OTOGL: variants seen among roughly 807,000 people sequenced by gnomAD.
OTOGL encodes otogelin like.
OTOGL carries 285 observed loss-of-function variants against 318.5 expected under a neutral mutation model. The ratio of observed to expected loss-of-function variants is 0.89; its 90% confidence interval spans 0.81 to 0.99. The LOEUF (loss-of-function observed/expected upper bound fraction) is 0.99, where lower values mean the gene tolerates loss of function less well. OTOGL is among the 50% of genes least tolerant of loss of function. The pLI, the probability that OTOGL is intolerant of heterozygous loss-of-function variation, is 0.00. For synonymous variants in OTOGL, 987 were observed against 936.5 expected (o/e 1.05, Z -0.99); for missense variants, 2,899 against 2,845.6 (o/e 1.02, Z -0.43).
At chr12:80,126,832 A>C (rs143646330) in intron 1 of OTOGL, among the ~76,000 whole-genome samples, 1 of 152,064 alleles carries the variant, frequency 6.6e-6, no homozygotes, top group Non-Finnish European at 1.5e-5. Flanking sequence ...GTTGGTTTAA[A>C]GTCTGTTTTA....
chr12:80,289,730 G>A (rs142202662), intron 26 of OTOGL, among the ~76,000 whole-genome samples: 1 of 152,238 alleles, frequency 6.6e-6, no homozygotes, highest in Non-Finnish European at 1.5e-5. Context: ...CTCAGTAATG[G>A]CGGACGCCCC....
At chr12:80,279,258 G>A in intron 26 of OTOGL, 92 bp downstream of exon 26, 1 of 1,251,960 alleles carries the variant, frequency 8.0e-7, no homozygotes, top group Non-Finnish European at 1.1e-6. Flanking sequence ...AAATTCATGT[G>A]TTATTTATAA....
chr12:80,220,572 A>G (rs1161681292), intron 6 of OTOGL, among the ~76,000 whole-genome samples: 1 of 147,438 alleles, frequency 6.8e-6, no homozygotes, highest in African/African-American at 2.5e-5. Flanking sequence ...GACACTTTGT[A>G]TGTAAAAAAA....
intron 1 of OTOGL, among the ~76,000 whole-genome samples, chr12:80,169,249 C>G (rs34697156): frequency 0.24 from 36,226 of 151,970 alleles, 6,143 homozygotes; most frequent in African/African-American, 0.49. Context: ...TTTTCAGCAC[C>G]TCCTCTTTCA....
chr12:80,178,061 CTTTTT>C (rs71094968), intron 1 of OTOGL, among the ~76,000 whole-genome samples: 3 of 74,922 alleles, frequency 4.0e-5, no homozygotes, highest in Non-Finnish European at 7.8e-5. Context: ...TTCTTTCTTT[CTTTTT>C]TTTTTTTTTT....
At chr12:80,348,160 C>T (rs1465472233) in intron 44 of OTOGL, among the ~76,000 whole-genome samples, 1 of 151,188 alleles carries the variant, frequency 6.6e-6, no homozygotes, top group African/African-American at 2.4e-5. Flanking sequence ...CTTTTGTTGC[C>T]ATTGTTTTTG....
chr12:80,316,556 G>A (rs1592699575), intron 32 of OTOGL, among the ~76,000 whole-genome samples: 1 of 152,202 alleles, frequency 6.6e-6, no homozygotes, highest in African/African-American at 2.4e-5. Context: ...AGTTTCATTT[G>A]TAATACCGTA....
chr12:80,137,412 A>C (rs1459606293), intron 1 of OTOGL, among the ~76,000 whole-genome samples: 1 of 152,182 alleles, frequency 6.6e-6, no homozygotes, highest in African/African-American at 2.4e-5. Flanking sequence ...GGATCACTTT[A>C]ACCTGCCTAG....
chr12:80,293,974 T>C (rs1162285876), intron 26 of OTOGL, among the ~76,000 whole-genome samples: 1 of 152,090 alleles, frequency 6.6e-6, no homozygotes, highest in Non-Finnish European at 1.5e-5. Context: ...TATAATTATA[T>C]ACTTCCTTGA....
intron 1 of OTOGL, chr12:80,103,062 T>C: frequency 8.9e-7 from 1 of 1,118,886 alleles, no homozygotes; most frequent in Non-Finnish European, 1.4e-6. Flanking sequence ...AGTTGTGCCA[T>C]TAGCCTTTTC....
chr12:80,180,719 G>GA (rs991922253), intron 1 of OTOGL, among the ~76,000 whole-genome samples: 2 of 151,950 alleles, frequency 1.3e-5, no homozygotes, highest in Admixed American at 1.3e-4. Flanking sequence ...GGCCAATAAT[G>GA]TTTTTTTTGC....
At chr12:80,255,949 C>T (rs1245208533) in intron 16 of OTOGL, among the ~76,000 whole-genome samples, 2 of 151,662 alleles carry the variant, frequency 1.3e-5, no homozygotes, top group Non-Finnish European at 2.9e-5. Flanking sequence ...GCTTTATTGA[C>T]TTTTTTTGTC....
At chr12:80,356,145 C>T (rs991028682) in intron 47 of OTOGL, among the ~76,000 whole-genome samples, 197 bp downstream of exon 47, 1 of 152,092 alleles carries the variant, frequency 6.6e-6, no homozygotes, top group African/African-American at 2.4e-5. Flanking sequence ...TAATAACACT[C>T]AACAAAACAT....
chr12:80,276,349 G>A (rs1478978441), intron 24 of OTOGL, among the ~76,000 whole-genome samples: 1 of 151,744 alleles, frequency 6.6e-6, no homozygotes. Flanking sequence ...TCAGTTAGGG[G>A]CATAGTTAAA....
At chr12:80,341,918 TTTC>T (rs1158491850) in intron 43 of OTOGL, 27 bp from the exon 44 acceptor site, 1 of 1,488,228 alleles carries the variant, frequency 6.7e-7, no homozygotes, top group East Asian at 2.3e-5. Context: ...TTTAAGTTTT[TTTC>T]TTCTAACTGT....
chr12:80,238,973 T>G lies in OTOGL; in HGVS notation c.940T>G (p.Phe314Val), dbSNP rs778360829. 22 of 1,596,140 alleles carry G rather than the reference T, an allele frequency of 1.4e-5. No individual in the cohort carries two copies. The South Asian group carries it at 2.4e-4, about 18-fold the overall frequency. ...TCCGTGCTCCAGTGGAATGCCAGCA[T>G]TTGAGGTAAATTTGATGTGAGAAAT... is the stretch of plus-strand genomic sequence containing the variant. ...PNPCSSGMPA[F>V]EAIFFKCQIL... The change falls in exon 10 of 59, where the codon TTT becomes GTT. Residue 314 changes from phenylalanine to valine, a missense_variant. Coordinates refer to ENST00000547103, the MANE Select transcript of OTOGL (RefSeq NM_001378609.3).
intron 34 of OTOGL, among the ~76,000 whole-genome samples, chr12:80,322,810 C>T (rs1207340128): frequency 6.6e-6 from 1 of 152,126 alleles, no homozygotes; most frequent in African/African-American, 2.4e-5. Context: ...CAATACTTAT[C>T]TGGTACAAGG....
chr12:80,316,286 G>A (rs746449966), intron 32 of OTOGL, among the ~76,000 whole-genome samples: 1 of 152,140 alleles, frequency 6.6e-6, no homozygotes, highest in Non-Finnish European at 1.5e-5. Flanking sequence ...ACAACAATCT[G>A]AGAAAATGCT....
intron 1 of OTOGL, among the ~76,000 whole-genome samples, chr12:80,107,511 T>C (rs760173662): frequency 1.9e-4 from 29 of 152,132 alleles, no homozygotes; most frequent in Non-Finnish European, 2.9e-5. Flanking sequence ...GGGATGTAAA[T>C]TAGTTTAGCC....
Sources: allele counts gnomAD v4.1 joint callset (sites outside exome capture counted in the v4.1 genomes callset), GRCh38; gene constraint gnomAD v4.1.1; transcripts MANE v1.5; gene names NCBI Gene and HGNC (gene_info 2026-07-23, HGNC 2026-07-21).